Variants in PRKN observed in about 807,000 individuals in gnomAD.
PRKN encodes the protein E3 ubiquitin-protein ligase parkin.
A neutral mutation model predicts 59.5 loss-of-function variants in PRKN; 56 were observed. The ratio of observed to expected loss-of-function variants is 0.94; its 90% CI spans 0.76 to 1.18. PRKN has a LOEUF of 1.18. Ranked by LOEUF, PRKN falls within the 50% of genes most tolerant of loss-of-function variation. The probability of loss-of-function intolerance (pLI) is 0.00; values close to 1 mark genes in which losing one functional copy is unlikely to be tolerated. For synonymous variants in PRKN, 250 were observed against 222.1 expected, an observed-to-expected ratio of 1.13 and a Z score of -1.12; for missense variants, 657 against 596.4, an observed-to-expected ratio of 1.10 and a Z score of -1.06.
intron 1 of PRKN, among the ~76,000 whole-genome samples, chr6:162,721,256 A>T (rs1052568208): frequency 6.6e-6 from 1 of 152,194 alleles, no homozygotes; most frequent in East Asian, 1.9e-4. Context: ...TTTATCTAAG[A>T]AGTACAATGA....
chr6:162,573,627 C>G (rs1177608891), intron 1 of PRKN, among the ~76,000 whole-genome samples: 1 of 152,176 alleles, frequency 6.6e-6, no homozygotes, highest in African/African-American at 2.4e-5. Context: ...ATTGAGGTTT[C>G]TACATTTTAA....
chr6:161,862,907 A>G (rs561785751), intron 6 of PRKN, among the ~76,000 whole-genome samples: 16 of 152,198 alleles, frequency 1.1e-4, no homozygotes, highest in Non-Finnish European at 1.6e-4. Flanking sequence ...ACAAGACACC[A>G]TGATCATATT....
chr6:162,287,096 T>C (rs1242683062), intron 2 of PRKN, among the ~76,000 whole-genome samples: 1 of 152,190 alleles, frequency 6.6e-6, no homozygotes, highest in Non-Finnish European at 1.5e-5. Flanking sequence ...CTGTCCCATC[T>C]AATGGTACAG....
chr6:162,434,523 TAACAC>T (rs140291483), intron 2 of PRKN, among the ~76,000 whole-genome samples: 5,215 of 152,286 alleles, frequency 0.034, 114 homozygotes, highest in Non-Finnish European at 0.052. Flanking sequence ...AAAAAAAAGT[TAACAC>T]AACATATTAG....
At chr6:162,210,598 A>G (rs750510885) in intron 3 of PRKN, among the ~76,000 whole-genome samples, 3 of 152,154 alleles carry the variant, frequency 2.0e-5, no homozygotes, top group Non-Finnish European at 4.4e-5. Flanking sequence ...TTCATTCCCA[A>G]CCAAATCCTT....
intron 3 of PRKN, among the ~76,000 whole-genome samples, chr6:162,235,991 A>AAGAAAG (rs1416607456): frequency 7.2e-6 from 1 of 139,252 alleles, no homozygotes; most frequent in African/African-American, 2.8e-5. Context: ...GAAAGAAAGA[A>AAGAAAG]AGAAAGAAAG....
chr6:162,442,089 T>C (rs1253084429), intron 2 of PRKN, among the ~76,000 whole-genome samples: 1 of 152,150 alleles, frequency 6.6e-6, no homozygotes, highest in Non-Finnish European at 1.5e-5. Context: ...AGGCCAGCAG[T>C]TTGTGCACAA....
chr6:162,584,305 T>C (rs1373405540), intron 1 of PRKN, among the ~76,000 whole-genome samples: 1 of 151,510 alleles, frequency 6.6e-6, no homozygotes, highest in African/African-American at 2.4e-5. Flanking sequence ...CATAGAACAC[T>C]GTACACAAAA....
At chr6:162,100,492 C>T (rs1220097489) in intron 4 of PRKN, among the ~76,000 whole-genome samples, 6 of 151,384 alleles carry the variant, frequency 4.0e-5, no homozygotes, top group Non-Finnish European at 7.4e-5. Context: ...CTTTGTCACC[C>T]AGGCTGGAGT....
At chr6:162,526,236 AAGAACTATAATGC>A (rs1320002633) in intron 1 of PRKN, among the ~76,000 whole-genome samples, 8 of 150,862 alleles carry the variant, frequency 5.3e-5, no homozygotes, top group Non-Finnish European at 1.0e-4. Context: ...AATTAGTTAT[AAGAACTATAATGC>A]AGAACCTCCA....
intron 2 of PRKN, among the ~76,000 whole-genome samples, chr6:162,302,641 G>T (rs1782010791): frequency 6.6e-6 from 1 of 151,884 alleles, no homozygotes; most frequent in African/African-American, 2.4e-5. Context: ...CTCCTAATGA[G>T]ATTTCAGTCC....
chr6:162,030,909 C>T (rs1408248407), intron 5 of PRKN, among the ~76,000 whole-genome samples: 1 of 152,198 alleles, frequency 6.6e-6, no homozygotes, highest in Non-Finnish European at 1.5e-5. Context: ...CTCCTCAGCT[C>T]ACTCCAGCCC....
intron 3 of PRKN, among the ~76,000 whole-genome samples, chr6:162,218,035 C>A (rs1208736412): frequency 6.6e-6 from 1 of 152,198 alleles, no homozygotes; most frequent in Non-Finnish European, 1.5e-5. Context: ...CAGCACAGAA[C>A]TGCACGCCGG....
At chr6:162,092,227 C>A (rs958081028) in intron 4 of PRKN, among the ~76,000 whole-genome samples, 1 of 151,794 alleles carries the variant, frequency 6.6e-6, no homozygotes, top group Non-Finnish European at 1.5e-5. Context: ...TGTTGGCGAG[C>A]GCCTATAGTC....
intron 6 of PRKN, among the ~76,000 whole-genome samples, chr6:161,897,283 G>A (rs1285362256): frequency 1.3e-5 from 2 of 152,166 alleles, no homozygotes; most frequent in Non-Finnish European, 2.9e-5. Flanking sequence ...TACATCACAT[G>A]CTATGAGAGC....
Position 161,576,124 on chromosome 6 carries a change from C to A in PRKN, c.872-6708G>T, listed in dbSNP as rs1781121112. On this transcript the variant is annotated intron_variant, in intron 7 of 11. Transcript: ENST00000366898. This position sits in a 1 kb window ranked among gnomAD's most constrained non-coding sequence, Gnocchi z 4.6. ...TGAGAGCCAGGCGTTAATAGGATCC[C>A]TGGAAAACTCACTAAGCTGTCTCGA... is the stretch of plus-strand genomic sequence containing the variant. 6.6e-6 allele frequency among the ~76,000 whole-genome samples: 1 copy of A among 152,174 alleles called. No homozygotes were observed.
chr6:161,736,474 G>A (rs891323297), intron 7 of PRKN, among the ~76,000 whole-genome samples: 1 of 152,208 alleles, frequency 6.6e-6, no homozygotes, highest in African/African-American at 2.4e-5. Flanking sequence ...GATAAACACT[G>A]TGACAACACA....
At chr6:161,783,906 C>T (rs1790311524) in intron 7 of PRKN, among the ~76,000 whole-genome samples, 1 of 152,124 alleles carries the variant, frequency 6.6e-6, no homozygotes, top group African/African-American at 2.4e-5. Flanking sequence ...TTTACAAAGT[C>T]AACAAAGAAA....
At chr6:162,088,352 T>C (rs550530197) in intron 4 of PRKN, among the ~76,000 whole-genome samples, 4 of 152,116 alleles carry the variant, frequency 2.6e-5, no homozygotes, top group Non-Finnish European at 5.9e-5. Flanking sequence ...CTAGAAAAAA[T>C]TGTTTTTCTC....
Sources: gnomAD v4.1 joint callset for allele counts (sites outside exome capture counted in the v4.1 genomes callset) on GRCh38, gnomAD v4.1.1 for gene constraint, Gnocchi (gnomAD v3.1) non-coding constraint, MANE v1.5 for transcripts, NCBI Gene and HGNC (gene_info 2026-07-23, HGNC 2026-07-21) for gene names.